The following SYNE2 variants were observed in gnomAD, a reference collection of about 807,000 sequenced individuals.
The protein encoded by SYNE2 is spectrin repeat containing nuclear envelope protein 2, also known as nesprin-2.
SYNE2 carries 431 observed loss-of-function variants against 856.3 expected under a neutral mutation model. The observed-to-expected ratio is 0.50, with a 90% CI of 0.47 to 0.55. The LOEUF (loss-of-function observed/expected upper bound fraction) is 0.55. Ranked by LOEUF, SYNE2 falls within the 20% of genes least tolerant of loss-of-function variation. The pLI is 0.00. For synonymous variants in SYNE2, 2,923 were observed against 2,872.3 expected (o/e 1.02, Z -0.56); for missense variants, 8,129 against 8,023.2 (o/e 1.01, Z -0.50).
chr14:63,769,668 C>CA (rs373323502), intron 1 of SYNE2, among the ~76,000 whole-genome samples: 65,597 of 86,110 alleles, frequency 0.76, 24,843 homozygotes, highest in Non-Finnish European at 0.81. Flanking sequence ...GACTCCATCT[C>CA]AAAAAAAAAA....
chr14:64,214,164 T>A, intron 105 of SYNE2, 30 bp from the exon 106 acceptor site: 6 of 1,614,200 alleles, frequency 3.7e-6, no homozygotes, highest in Non-Finnish European at 5.1e-6. Context: ...ATGAGTTGAT[T>A]AATTCTAACA....
chr14:64,128,307 T>G (rs959011196), intron 73 of SYNE2, 145 bp from the exon 74 acceptor site: 7 of 626,054 alleles, frequency 1.1e-5, no homozygotes, highest in Admixed American at 5.2e-5. Context: ...TTGTTGAAGT[T>G]TAATGATGAT....
At chr14:64,152,500 C>G (rs1384091341) in intron 84 of SYNE2, 64 bp from the exon 85 acceptor site, 2 of 1,555,872 alleles carry the variant, frequency 1.3e-6, no homozygotes, top group South Asian at 2.3e-5. Context: ...ACTCCTGTCT[C>G]TGACACCTTA....
At chr14:64,177,739 CTTCT>C (rs1358223959) in intron 96 of SYNE2, among the ~76,000 whole-genome samples, 8 of 152,166 alleles carry the variant, frequency 5.3e-5, no homozygotes, top group Non-Finnish European at 2.9e-5. Context: ...TCCTTCAGGT[CTTCT>C]TTCTGTCTGC....
upstream of SYNE2, among the ~76,000 whole-genome samples, chr14:63,851,942 T>G (rs1890503602): frequency 8.0e-6 from 1 of 124,318 alleles, no homozygotes; most frequent in African/African-American, 3.2e-5. Flanking sequence ...ATTACCGGTG[T>G]GGTGTCGTGC....
intron 110 of SYNE2, 131 bp downstream of exon 110, chr14:64,219,541 T>C: frequency 1.1e-6 from 1 of 890,404 alleles, no homozygotes; most frequent in East Asian, 2.6e-5. Flanking sequence ...GAGGTCACTC[T>C]CTTCCATTTC....
intron 79 of SYNE2, among the ~76,000 whole-genome samples, chr14:64,139,534 C>T (rs1286937762): frequency 1.3e-5 from 2 of 152,074 alleles, no homozygotes; most frequent in Non-Finnish European, 2.9e-5. Context: ...GCCTCAGCCT[C>T]CTGAGTAGCT....
At chr14:63,892,764 C>G (rs947062888) in intron 1 of SYNE2, among the ~76,000 whole-genome samples, 6 of 142,022 alleles carry the variant, frequency 4.2e-5, no homozygotes, top group Non-Finnish European at 7.5e-5. Flanking sequence ...AGACAGGGGT[C>G]TCACTATGTT....
intron 21 of SYNE2, among the ~76,000 whole-genome samples, chr14:63,993,565 T>C (rs1029781789): frequency 1.4e-4 from 21 of 152,210 alleles, no homozygotes; most frequent in African/African-American, 4.6e-4. Context: ...ATTTTGAATA[T>C]CATAAAGGTA....
chr14:63,859,604 G>A (rs1365530458), intron 1 of SYNE2, among the ~76,000 whole-genome samples: 3 of 152,188 alleles, frequency 2.0e-5, no homozygotes, highest in East Asian at 1.9e-4. Context: ...GGATCACGAG[G>A]TCAAGAGCTG....
intron 94 of SYNE2, among the ~76,000 whole-genome samples, chr14:64,172,165 G>T (rs113357814): frequency 0.018 from 2,778 of 152,246 alleles, 34 homozygotes; most frequent in Middle Eastern, 0.031. Flanking sequence ...ATTTTTTAAA[G>T]ATCACTCTGG....
intron 114 of SYNE2, 126 bp from the exon 115 acceptor site, chr14:64,224,873 C>T (rs2098711461): frequency 1.1e-6 from 1 of 884,818 alleles, no homozygotes; most frequent in Admixed American, 2.0e-5. Flanking sequence ...TTACTCTAGT[C>T]TCCAAAGTTT....
intron 98 of SYNE2, among the ~76,000 whole-genome samples, chr14:64,189,691 G>GA (rs1322983125): frequency 1.3e-5 from 2 of 152,230 alleles, no homozygotes; most frequent in African/African-American, 4.8e-5. Context: ...TAGAAGGTAT[G>GA]AGGTTTTGAG....
At chr14:64,146,434 A>G (rs2098188351) in intron 84 of SYNE2, among the ~76,000 whole-genome samples, 1 of 152,204 alleles carries the variant, frequency 6.6e-6, no homozygotes. Context: ...ATGTACTTTC[A>G]CCGTTACAGT....
chr14:64,193,489 G>A (rs560296186), intron 99 of SYNE2, among the ~76,000 whole-genome samples: 1 of 152,220 alleles, frequency 6.6e-6, no homozygotes, highest in African/African-American at 2.4e-5. Flanking sequence ...GGTGGAGGTT[G>A]CAATGAGCCT....
At position 64,165,336 on chromosome 14, in the gene SYNE2, G is replaced by A; in HGVS notation, c.16531G>A (p.Gly5511Ser). The change falls in exon 90 of 116, where the codon GGT becomes AGT. Residue 5511 changes from glycine to serine, a missense_variant. By Grantham distance (56) the Gly-to-Ser change is moderately conservative (BLOSUM62 0). This residue lies in a region of SYNE2 where 5,410 missense variants were observed against 5,284.8 expected (regional missense o/e 1.02). Coordinates refer to ENST00000555002, the MANE Select transcript of SYNE2 (RefSeq NM_182914.3). ...TGGAGTCCGGCTGGAATCTTTAAAA[G>A]GTCTTATTATGCATGAAGAAGAGAA... The part of the protein sequence containing the change: ...DFGVRLESLK[G>S]LIMHEEENLD... The A allele has an allele frequency of 6.2e-7, 1 of 1,613,730 alleles. No individual in the cohort carries two copies. Among genetic ancestry groups the A allele is most frequent in the South Asian group, 1.1e-5 (1 of 91,072 alleles).
At chr14:64,221,537 T>G (rs1171027466) in intron 111 of SYNE2, 39 bp from the exon 112 acceptor site, 2 of 1,614,192 alleles carry the variant, frequency 1.2e-6, no homozygotes, top group Admixed American at 1.7e-5. Flanking sequence ...CTTCCAGGGC[T>G]CTAAGACACG....
chr14:63,913,857 T>TTAAAA (rs2095504275), intron 2 of SYNE2, among the ~76,000 whole-genome samples: 3 of 151,380 alleles, frequency 2.0e-5, no homozygotes, highest in Non-Finnish European at 4.4e-5. Context: ...TTAATTTAAT[T>TTAAAA]TTAAATTTTT....
intron 1 of SYNE2, among the ~76,000 whole-genome samples, chr14:63,897,252 CTAAATAAA>C (rs545917971): frequency 1.6e-4 from 24 of 151,918 alleles, no homozygotes; most frequent in African/African-American, 4.8e-4. Context: ...GACCCTATCT[CTAAATAAA>C]TAAATAAATA....
Sources: gnomAD v4.1 joint callset for allele counts (sites outside exome capture counted in the v4.1 genomes callset) on GRCh38, gnomAD v4.1.1 for gene constraint, gnomAD v4.1.1 regional missense constraint, MANE v1.5 for transcripts, NCBI Gene and HGNC (gene_info 2026-07-23, HGNC 2026-07-21) for gene names.